The following SRPRB variants were observed in gnomAD, a reference collection of about 807,000 sequenced individuals.
SRPRB encodes SRP receptor subunit beta, also known as signal recognition particle receptor subunit beta.
Under a neutral mutation model 31.9 loss-of-function variants are expected in SRPRB, and 20 were observed. The observed-to-expected ratio is 0.63, with a 90% CI of 0.44 to 0.91. The LOEUF is 0.91. Among genes scored for constraint, SRPRB ranks in the 40% least tolerant of loss-of-function variants. The pLI is 0.00. For missense variants in SRPRB, 321 were observed against 324.9 expected (o/e 0.99, Z 0.09); for synonymous variants, 146 against 132.8 (o/e 1.10, Z -0.68).
At chr3:133,824,277 C>CTGAG (rs1935520465), downstream of SRPRB, 1 of 152,216 alleles carries the variant, frequency 6.6e-6, no homozygotes, top group South Asian at 2.1e-4. Flanking sequence ...GACCAACATG[C>CTGAG]TGAGTCTTTT....
chr3:133,804,425 T>A (rs1935113409), upstream of SRPRB, among the ~76,000 whole-genome samples: 1 of 152,144 alleles, frequency 6.6e-6, no homozygotes, highest in Non-Finnish European at 1.5e-5. Context: ...TATGTGCATA[T>A]TCAGGGGGGT....
upstream of SRPRB, among the ~76,000 whole-genome samples, chr3:133,800,818 C>T (rs78044285): frequency 6.5e-3 from 995 of 152,296 alleles, 7 homozygotes; most frequent in Non-Finnish European, 0.01. Flanking sequence ...TGACCAGTGC[C>T]TCCCATGAGC....
chr3:133,810,837 C>T (rs1935250108), intron 3 of SRPRB: 1 of 298,672 alleles, frequency 3.3e-6, no homozygotes, highest in East Asian at 7.8e-5. Flanking sequence ...ACAGGTTTTT[C>T]CTGTACCCTC....
At chr3:133,784,837 C>A (rs910182384) in intron 1 of SRPRB, 4 of 152,332 alleles carry the variant, frequency 2.6e-5, no homozygotes, top group African/African-American at 9.6e-5. Flanking sequence ...AGTTCTGTGC[C>A]ACACTGGTCA....
At position 133,815,635 on chromosome 3, in the gene SRPRB, G is replaced by A; in HGVS notation, c.456G>A (p.Val152=). 1.2e-6 allele frequency: 2 copies of A among 1,613,992 alleles called. No homozygotes were observed. The highest frequency in any genetic ancestry group is 1.7e-6 in the Non-Finnish European group (2 of 1,180,024). ...VVDSAAFQRE[V]KDVAEFLYQV... ...ATAGTGCAGCATTCCAGCGAGAGGT[G>A]AAAGATGTGGCTGAGTTTCTGTATC... Residue 152 remains valine (V), a synonymous_variant, in exon 5 of 7, where the codon GTG becomes GTA. Transcript: ENST00000678299.
At chr3:133,813,505 T>C (rs929074477) in intron 4 of SRPRB, among the ~76,000 whole-genome samples, 1 of 152,246 alleles carries the variant, frequency 6.6e-6, no homozygotes, top group Admixed American at 6.5e-5. Context: ...AACTTTTCCA[T>C]TGATTTATTA....
downstream of SRPRB, chr3:133,824,357 T>C (rs1225233237): frequency 5.3e-5 from 8 of 152,178 alleles, no homozygotes; most frequent in Non-Finnish European, 1.0e-4. Flanking sequence ...ACAGATGGAA[T>C]TGCCACCCTC....
chr3:133,821,410 A>G lies in SRPRB; in HGVS notation c.*1644A>G, dbSNP rs1935472069. On this transcript the variant is annotated 3_prime_UTR_variant, in exon 7 of 7. Transcript: ENST00000678299. The stretch of plus-strand genomic sequence containing the variant: ...AGCAGTAACTTAGGAAGTAGGTAAG[A>G]GCAATAAATGTGACATGTTATGTCA... 1 of 152,176 alleles carries G rather than the reference A, an allele frequency of 6.6e-6. No homozygotes were observed. The highest frequency in any genetic ancestry group is 1.5e-5 in the Non-Finnish European group (1 of 68,038). 9.4% of individuals were successfully genotyped at this position (152,176 alleles called of 1,614,324 possible).
intron 6 of SRPRB, 66 bp downstream of exon 6, chr3:133,816,998 C>A: frequency 7.7e-7 from 1 of 1,297,258 alleles, no homozygotes; most frequent in Non-Finnish European, 1.1e-6. Flanking sequence ...GCAGCATATT[C>A]ATGTTTCTTT....
intron 1 of SRPRB, chr3:133,793,778 T>C (rs984247008): frequency 6.6e-6 from 1 of 152,136 alleles, no homozygotes; most frequent in African/African-American, 2.4e-5. Context: ...ATGGTGTCTT[T>C]TAGGAGATTC....
At chr3:133,790,410 A>G (rs973390198) in intron 1 of SRPRB, 1 of 152,238 alleles carries the variant, frequency 6.6e-6, no homozygotes, top group Non-Finnish European at 1.5e-5. Flanking sequence ...TATTAGTGAG[A>G]AAAAGAATAA....
rs777184952 is a variant in SRPRB at position 133,810,027 on chromosome 3, G to A, written c.328-1090G>A. Among the ~76,000 whole-genome samples the A allele has an allele frequency of 4.0e-5, 6 of 151,424 alleles. No individual in the cohort carries two copies. In the East Asian group the frequency reaches 5.8e-4, roughly 15 times the overall value. ...CTTTCTCCTACCCCCTTACGTTTTCGATCTAATCTCTTTAGATAGTAATAT... is the reference window on the plus strand; with the variant it reads ...CTTTCTCCTACCCCCTTACGTTTTCAATCTAATCTCTTTAGATAGTAATAT... On this transcript the variant is annotated intron_variant, in intron 3 of 6. Coordinates refer to ENST00000678299, the MANE Select transcript of SRPRB (RefSeq NM_001379313.1).
downstream of SRPRB, chr3:133,826,224 CAAAG>C (rs756290005): frequency 1.3e-5 from 2 of 152,186 alleles, no homozygotes; most frequent in Non-Finnish European, 2.9e-5. Context: ...AACCCAAACT[CAAAG>C]AGAGGATGTT....
intron 1 of SRPRB, chr3:133,792,016 C>A (rs944551944): frequency 1.3e-5 from 2 of 152,084 alleles, no homozygotes; most frequent in African/African-American, 4.8e-5. Flanking sequence ...AAAATATCTT[C>A]AAAATGTAAA....
intron 1 of SRPRB, among the ~76,000 whole-genome samples, chr3:133,798,052 A>G (rs1180530378): frequency 6.6e-6 from 1 of 152,258 alleles, no homozygotes; most frequent in Non-Finnish European, 1.5e-5. Context: ...TATTGTGGAC[A>G]AAGTTTATTT....
chr3:133,828,534 T>C, downstream of SRPRB: 1 of 484,664 alleles, frequency 2.1e-6, no homozygotes, highest in Non-Finnish European at 3.6e-6. Flanking sequence ...ATTTTAACAG[T>C]TTTTGGCAAT....
chr3:133,820,763 G>C lies in SRPRB; in HGVS notation c.*997G>C, dbSNP rs1263805251. On this transcript the variant is annotated 3_prime_UTR_variant, in exon 7 of 7. Transcript: ENST00000678299. ...TCATGGTAAAGAAAACAGCCTGTCT[G>C]GCTCAAAGCAATTAAATAGAATGTA... 1 of 152,112 alleles carries C rather than the reference G, an allele frequency of 6.6e-6. No individual in the cohort carries two copies. The highest frequency in any genetic ancestry group is 1.5e-5 in the Non-Finnish European group (1 of 68,026). 9.4% of individuals were successfully genotyped at this position (152,112 alleles called of 1,614,324 possible). A position where few individuals can be genotyped will look rare whatever the true frequency, so the allele number is the denominator to read the frequency against.
intron 3 of SRPRB, among the ~76,000 whole-genome samples, chr3:133,808,877 G>A (rs1187430316): frequency 1.5e-5 from 2 of 137,626 alleles, no homozygotes; most frequent in African/African-American, 2.7e-5. Flanking sequence ...GCAATAGAGC[G>A]AGACTAAGTC....
At chr3:133,799,611 G>A (rs1935033102) in intron 1 of SRPRB, among the ~76,000 whole-genome samples, 1 of 151,994 alleles carries the variant, frequency 6.6e-6, no homozygotes, top group African/African-American at 2.4e-5. Flanking sequence ...CTTTTTTCAA[G>A]TGGCTCTCGG....
Sources: allele counts gnomAD v4.1 joint callset (sites outside exome capture counted in the v4.1 genomes callset), GRCh38; gene constraint gnomAD v4.1.1; transcripts MANE v1.5; gene names NCBI Gene and HGNC (gene_info 2026-07-23, HGNC 2026-07-21).